The following FBXO5 variants were observed in gnomAD, a reference collection of about 807,000 sequenced individuals.
The protein encoded by FBXO5 is F-box only protein 5.
A neutral mutation model predicts 43.3 loss-of-function variants in FBXO5; 8 were observed. That is an observed-to-expected ratio of 0.18 (90% CI 0.11 to 0.33). The LOEUF (loss-of-function observed/expected upper bound fraction) is 0.33, where lower values mean the gene tolerates loss of function less well. Among genes scored for constraint, FBXO5 ranks in the 10% least tolerant of loss-of-function variants. FBXO5 has a pLI of 1.00. For synonymous variants in FBXO5, 204 were observed against 193.7 expected, an observed-to-expected ratio of 1.05 and a Z score of -0.44; for missense variants, 491 against 535.7, an observed-to-expected ratio of 0.92 and a Z score of 0.82.
chr6:152,981,833 A>G (rs764213169), intron 1 of FBXO5, among the ~76,000 whole-genome samples: 2 of 152,150 alleles, frequency 1.3e-5, no homozygotes, highest in Non-Finnish European at 2.9e-5. Flanking sequence ...CCGAATTGCT[A>G]AATTTTTTCA....
In FBXO5 at chr6:152,974,911, T is replaced by C; in HGVS notation, c.814A>G (p.Ile272Val). The C allele has an allele frequency of 6.3e-7, 1 of 1,587,582 alleles. No individual in the cohort carries two copies. ...ILAQLSDMDL[I>V]NVSKVSTTWK... ...TATATTCAAAACAGTACTTACTTGA[T>C]TAAGTCCATGTCACTGAGTTGTGCT... The change falls in exon 2 of 5, where the codon ATC becomes GTC. Residue 272 changes from isoleucine to valine, a missense_variant. By Grantham distance (29) the Ile-to-Val change is conservative (BLOSUM62 3). Coordinates refer to ENST00000229758, the MANE Select transcript of FBXO5 (RefSeq NM_012177.5).
rs1711117089 is a variant in FBXO5 at position 152,975,567 on chromosome 6, C to T, written c.158G>A (p.Cys53Tyr). 6.2e-7 allele frequency: 1 copy of T among 1,610,010 alleles called. No individual in the cohort carries two copies. The highest frequency in any genetic ancestry group is 8.5e-7 in the Non-Finnish European group (1 of 1,179,092). Residue 53 changes from cysteine to tyrosine, a missense_variant, in exon 2 of 5, where the codon TGT (cysteine) becomes TAT (tyrosine). Coordinates refer to ENST00000229758, the MANE Select transcript of FBXO5 (RefSeq NM_012177.5). Reference sequence around the variant, plus strand: ...TTTAAGTCCGGAATGAACATGGTTACAATTAAAATCACACTTCATTTTGAC... The same window carrying T: ...TTTAAGTCCGGAATGAACATGGTTATAATTAAAATCACACTTCATTTTGAC... ...LSVKMKCDFN[C>Y]NHVHSGLKLV...
At chr6:152,977,946 T>C (rs961170328) in intron 1 of FBXO5, among the ~76,000 whole-genome samples, 3 of 152,188 alleles carry the variant, frequency 2.0e-5, no homozygotes, top group Non-Finnish European at 2.9e-5. Flanking sequence ...ATCCTTTATA[T>C]TTGTTTAGAA....
At chr6:152,971,485 G>C (rs905992832) in intron 4 of FBXO5, 71 bp from the exon 5 acceptor site, 38 of 1,471,704 alleles carry the variant, frequency 2.6e-5, no homozygotes, top group Non-Finnish European at 3.5e-5. Context: ...ATAAAACCAA[G>C]GACACCCTTG....
chr6:152,971,034 G>GA lies in FBXO5; in HGVS notation c.*128dup, dbSNP rs57467405. 1.8e-5 allele frequency: 15 copies of GA among 842,048 alleles called. No individual in the cohort carries two copies. The highest frequency in any genetic ancestry group is 5.8e-5 in the East Asian group (2 of 34,480). 52.2% of individuals were successfully genotyped at this position (842,048 alleles called of 1,614,324 possible). A position where few individuals can be genotyped will look rare whatever the true frequency, so the allele number is the denominator to read the frequency against. ...GTCTATCCTCTTTATCTTCTGGGGG[G>GA]AAAAAAACCTCAGGATACTACACCG... On this transcript the variant is annotated 3_prime_UTR_variant, in exon 5 of 5. Coordinates refer to ENST00000229758, the MANE Select transcript of FBXO5 (RefSeq NM_012177.5).
rs1778072461 is a variant in FBXO5 at position 152,970,689 on chromosome 6, G to A, written c.*474C>T. On this transcript the variant is annotated 3_prime_UTR_variant, in exon 5 of 5. Transcript: ENST00000229758. ...AGTTTTTACAAAGGATACTTTCTTG[G>A]GAAATACACACAATGAAAAAAAGCT... 1 of 152,140 alleles carries A rather than the reference G, an allele frequency of 6.6e-6. No homozygotes were observed. The highest frequency in any genetic ancestry group is 2.4e-5 in the African/African-American group (1 of 41,350). The allele number at this position is 152,140 out of a possible 1,614,324, so 9.4% of individuals were successfully genotyped here.
chr6:152,978,021 G>A (rs1279321357), intron 1 of FBXO5, among the ~76,000 whole-genome samples: 3 of 152,080 alleles, frequency 2.0e-5, no homozygotes, highest in Admixed American at 1.3e-4. Flanking sequence ...TTTTACAATT[G>A]AGCACACTGA....
intron 1 of FBXO5, among the ~76,000 whole-genome samples, chr6:152,977,075 C>A (rs1474544014): frequency 6.6e-6 from 1 of 152,190 alleles, no homozygotes; most frequent in Non-Finnish European, 1.5e-5. Context: ...ACAACAGTGG[C>A]CTGGGAAGGG....
chr6:152,971,848 ACT>A (rs767853991), intron 4 of FBXO5, among the ~76,000 whole-genome samples: 1 of 152,172 alleles, frequency 6.6e-6, no homozygotes, highest in Admixed American at 6.5e-5. Context: ...TTTCCACTTA[ACT>A]CTCTTCCTCG....
chr6:152,978,626 G>A (rs752264024), intron 1 of FBXO5, among the ~76,000 whole-genome samples: 5 of 151,968 alleles, frequency 3.3e-5, no homozygotes, highest in Non-Finnish European at 7.4e-5. Flanking sequence ...CACGAAATTA[G>A]CACTTAAGGA....
chr6:152,972,948 T>G, intron 3 of FBXO5, 98 bp downstream of exon 3: 1 of 889,874 alleles, frequency 1.1e-6, no homozygotes, highest in South Asian at 1.7e-5. Flanking sequence ...ACTTTATGAC[T>G]GTAAAGAAGG....
Position 152,972,432 on chromosome 6 carries a change from G to A in FBXO5, c.932C>T (p.Pro311Leu), listed in dbSNP as rs746423960. The A allele has an allele frequency of 1.3e-6, 2 of 1,592,706 alleles. No individual in the cohort carries two copies. Among genetic ancestry groups the A allele is most frequent in the Non-Finnish European group, 1.7e-6 (2 of 1,172,108 alleles). ...RVTENNNKFS[P>L]HASTREYVMF... ...AACATATTCTCTGGTTGAAGCATGA[G>A]GTGAAAATTTATTGTTGTTTTCCTA... The change falls in exon 4 of 5, where the codon CCT becomes CTT. Residue 311 changes from proline (P) to leucine (L), a missense_variant. Transcript: ENST00000229758.
intron 1 of FBXO5, among the ~76,000 whole-genome samples, chr6:152,981,471 T>C (rs73634614): frequency 1.3e-5 from 2 of 152,186 alleles, no homozygotes; most frequent in Non-Finnish European, 2.9e-5. Context: ...AGAGGCCCAA[T>C]GCTTGTGACC....
At position 152,971,036 on chromosome 6, in the gene FBXO5, A is replaced by C; in HGVS notation, c.*127T>G. ...CTATCCTCTTTATCTTCTGGGGGGA[A>C]AAAAACCTCAGGATACTACACCGAT... On this transcript the variant is annotated 3_prime_UTR_variant, in exon 5 of 5. Coordinates refer to ENST00000229758, the MANE Select transcript of FBXO5 (RefSeq NM_012177.5). 2.3e-6 allele frequency: 2 copies of C among 863,056 alleles called. No individual in the cohort carries two copies. Among genetic ancestry groups the C allele is most frequent in the South Asian group, 2.5e-5 (1 of 39,742 alleles). The allele number at this position is 863,056 out of a possible 1,614,324, so 53.5% of individuals were successfully genotyped here.
chr6:152,971,679 A>G (rs1302296339), intron 4 of FBXO5, among the ~76,000 whole-genome samples: 1 of 152,178 alleles, frequency 6.6e-6, no homozygotes, highest in African/African-American at 2.4e-5. Context: ...TAGGATTTAT[A>G]TTTACTGATC....
At position 152,975,200 on chromosome 6, in the gene FBXO5, G is replaced by T. The variant is rs1330987902; in HGVS notation, c.525C>A (p.Ser175=). The part of the protein sequence containing the change: ...LEENFGDSLQ[S]CLLQIQSPDQ... Reference sequence around the variant, plus strand: ...CTGGGCTTTGTATTTGTAGCAGGCAGGATTGTAGACTGTCACCGAAATTCT... The same window carrying T: ...CTGGGCTTTGTATTTGTAGCAGGCATGATTGTAGACTGTCACCGAAATTCT... Residue 175 remains serine, a synonymous_variant, in exon 2 of 5, where the codon TCC becomes TCA. Transcript: ENST00000229758. 3 of 1,614,154 alleles carry T rather than the reference G, an allele frequency of 1.9e-6. No homozygotes were observed. The highest frequency in any genetic ancestry group is 1.7e-5 in the Admixed American group (1 of 60,022).
At chr6:152,972,964 C>A in intron 3 of FBXO5, 82 bp downstream of exon 3, 1 of 1,105,934 alleles carries the variant, frequency 9.0e-7, no homozygotes. Flanking sequence ...GAAGGGTTTC[C>A]AGATTACCTC....
intron 1 of FBXO5, among the ~76,000 whole-genome samples, chr6:152,977,231 G>A (rs1237653236): frequency 6.6e-6 from 1 of 152,132 alleles, no homozygotes; most frequent in Non-Finnish European, 1.5e-5. Context: ...TAAATGCCAG[G>A]TTAAAATGTG....
intron 3 of FBXO5, 118 bp from the exon 4 acceptor site, chr6:152,972,572 C>T (rs1031279445): frequency 2.7e-6 from 2 of 732,152 alleles, no homozygotes; most frequent in African/African-American, 1.8e-5. Context: ...AGACTTATCC[C>T]TACATGCAAT....
Sources: allele counts gnomAD v4.1 joint callset (sites outside exome capture counted in the v4.1 genomes callset), GRCh38; gene constraint gnomAD v4.1.1; transcripts MANE v1.5; gene names NCBI Gene and HGNC (gene_info 2026-07-23, HGNC 2026-07-21).